Variants in TRDN observed in about 807,000 individuals in gnomAD.
The protein encoded by TRDN is triadin.
TRDN carries 161 observed loss-of-function variants against 149.7 expected under a neutral mutation model. The observed-to-expected ratio is 1.08, with a 90% CI of 0.95 to 1.23. The LOEUF is 1.23. Ranked by LOEUF, TRDN falls within the 50% of genes most tolerant of loss-of-function variation. The pLI is 0.00. For synonymous variants in TRDN, 294 were observed against 250.5 expected (o/e 1.17, Z -1.64); for missense variants, 896 against 823.5 (o/e 1.09, Z -1.08).
At chr6:123,294,285 C>A (rs914819853) in intron 24 of TRDN, among the ~76,000 whole-genome samples, 3 of 152,160 alleles carry the variant, frequency 2.0e-5, no homozygotes, top group Non-Finnish European at 1.5e-5. Flanking sequence ...GGCCAACTAT[C>A]AAAAGTGCCT....
chr6:123,571,187 A>C, intron 1 of TRDN, 55 bp from the exon 2 acceptor site: 1 of 1,573,304 alleles, frequency 6.4e-7, no homozygotes, highest in Non-Finnish European at 8.7e-7. Flanking sequence ...GTAAATATTG[A>C]TGATGAGAAA....
At chr6:123,274,144 C>T (rs1777295272) in intron 27 of TRDN, among the ~76,000 whole-genome samples, 1 of 152,078 alleles carries the variant, frequency 6.6e-6, no homozygotes, top group Admixed American at 6.6e-5. Context: ...AATGGCCATG[C>T]TGTCTGTTTC....
intron 4 of TRDN, among the ~76,000 whole-genome samples, chr6:123,541,835 T>A (rs955385050): frequency 6.6e-6 from 1 of 152,170 alleles, no homozygotes; most frequent in Non-Finnish European, 1.5e-5. Flanking sequence ...CAGCCTGGTG[T>A]AAACCACTGA....
rs1389363965 is a variant in TRDN, at chr6:123,499,728, A to ATATG, written c.794-2477_794-2476insCATA. 5.3e-5 allele frequency among the ~76,000 whole-genome samples: 6 copies of ATATG among 114,234 alleles called. 1 individual carries two copies. The East Asian group carries it at 1.6e-3, about 30-fold the overall frequency. The allele number at this position is 114,234 out of a possible 152,430, so 74.9% of individuals were successfully genotyped here. A position where few individuals can be genotyped will look rare whatever the true frequency, so the allele number is the denominator to read the frequency against. On this transcript the variant is annotated intron_variant, in intron 8 of 40. Transcript: ENST00000334268. Reference sequence around the variant, plus strand: ...CAAAAAAAAAAAAAAAAATATATATATATATATATATATATAGTTACAGCT... The same window carrying ATATG: ...CAAAAAAAAAAAAAAAAATATATATATATGTATATATATATATATAGTTACAGCT...
At chr6:123,219,833 G>C (rs1267751802) in intron 40 of TRDN, among the ~76,000 whole-genome samples, 1 of 151,778 alleles carries the variant, frequency 6.6e-6, no homozygotes, top group Non-Finnish European at 1.5e-5. Flanking sequence ...CAGGCTACAA[G>C]AGGGACAGTA....
rs145204370 is a variant in TRDN at position 123,360,906 on chromosome 6, GAGA to G, written c.1321+5226_1321+5228del. Among the ~76,000 whole-genome samples the G allele has an allele frequency of 4.5e-3, 692 of 152,296 alleles. 7 individuals carry two copies. Among genetic ancestry groups the G allele is most frequent in the African/African-American group, 0.016 (649 of 41,580 alleles). ...AAAAACTGGAGAAACTGGTCCTGAA[GAGA>G]AGGAGAAACACTACCTCTGAGATTA... On this transcript the variant is annotated intron_variant, in intron 20 of 40. Coordinates refer to ENST00000334268, the MANE Select transcript of TRDN (RefSeq NM_006073.4).
chr6:123,352,426 A>G, intron 21 of TRDN, 113 bp downstream of exon 21: 1 of 1,466,438 alleles, frequency 6.8e-7, no homozygotes, highest in South Asian at 1.5e-5. Context: ...ACAGTGATAA[A>G]GAGTAATAGA....
intron 2 of TRDN, among the ~76,000 whole-genome samples, chr6:123,569,537 T>A (rs954736621): frequency 1.3e-5 from 2 of 152,296 alleles, no homozygotes; most frequent in African/African-American, 4.8e-5. Context: ...AAGAAATACT[T>A]AAGACTGGGT....
At chr6:123,636,405 A>T (rs747502113) in intron 1 of TRDN, among the ~76,000 whole-genome samples, 2 of 152,006 alleles carry the variant, frequency 1.3e-5, no homozygotes, top group African/African-American at 4.8e-5. Context: ...CATGGTCTCC[A>T]TCCTTGAAAA....
chr6:123,220,046 A>G (rs1433635163), intron 40 of TRDN, among the ~76,000 whole-genome samples: 1 of 151,944 alleles, frequency 6.6e-6, no homozygotes, highest in African/African-American at 2.4e-5. Context: ...CATGAATATC[A>G]GGCTATAGAA....
rs563055800 is a variant in TRDN at position 123,433,304 on chromosome 6, C to T, written c.1051+4759G>A. 4.0e-5 allele frequency among the ~76,000 whole-genome samples: 6 copies of T among 151,550 alleles called. No homozygotes were observed. In the East Asian group the frequency reaches 1.2e-3, roughly 30 times the overall value. Reference sequence around the variant, plus strand: ...CTTATCTATTTAAATAACTTCCCACCCCAACGCATTATATTCTATCATTGC... The same window carrying T: ...CTTATCTATTTAAATAACTTCCCACTCCAACGCATTATATTCTATCATTGC... On this transcript the variant is annotated intron_variant, in intron 12 of 40. Transcript: ENST00000334268.
At chr6:123,591,521 T>C (rs1030333778) in intron 1 of TRDN, among the ~76,000 whole-genome samples, 7 of 152,178 alleles carry the variant, frequency 4.6e-5, no homozygotes, top group African/African-American at 1.7e-4. Flanking sequence ...GCTGGGATTA[T>C]AGGCATGAGC....
chr6:123,497,264 G>A lies in TRDN; in HGVS notation c.794-12C>T. On this transcript the variant is annotated splice_polypyrimidine_tract_variant and intron_variant, in intron 8 of 40. Coordinates refer to ENST00000334268, the MANE Select transcript of TRDN (RefSeq NM_006073.4). ...GAATGCATACTGATCTGACAGAGTA[G>A]AAAGAAAAAGAGCAATGAAAAAATG... The A allele has an allele frequency of 2.7e-6, 4 of 1,496,658 alleles. No homozygotes were observed. The highest frequency in any genetic ancestry group is 1.8e-6 in the Non-Finnish European group (2 of 1,125,896). The allele number at this position is 1,496,658 out of a possible 1,614,324, so 92.7% of individuals were successfully genotyped here.
At chr6:123,616,003 C>T (rs1269219616) in intron 1 of TRDN, among the ~76,000 whole-genome samples, 1 of 152,072 alleles carries the variant, frequency 6.6e-6, no homozygotes, top group Non-Finnish European at 1.5e-5. Flanking sequence ...GGAAATATCA[C>T]ATGTAACTCA....
Position 123,483,066 on chromosome 6 carries a change from T to TTTATTATTA in TRDN, c.853+14118_853+14126dup, listed in dbSNP as rs71021451. On this transcript the variant is annotated intron_variant, in intron 9 of 40. Transcript: ENST00000334268. ...GTTTTTACCCTGGATTGATTTCTCA[T>TTTATTATTA]TTATTATTATTATTATTATTATTAT... Among the ~76,000 whole-genome samples the TTTATTATTA allele has an allele frequency of 6.2e-3, 832 of 133,356 alleles. 9 individuals carry two copies. The highest frequency in any genetic ancestry group is 9.9e-3 in the South Asian group (38 of 3,848). 87.5% of individuals were successfully genotyped at this position (133,356 alleles called of 152,430 possible).
intron 9 of TRDN, among the ~76,000 whole-genome samples, chr6:123,493,499 G>A (rs1583140303): frequency 6.6e-6 from 1 of 152,170 alleles, no homozygotes; most frequent in African/African-American, 2.4e-5. Flanking sequence ...TTATGTCATA[G>A]TGTCAGCACA....
chr6:123,607,177 A>G (rs952997369), intron 1 of TRDN, among the ~76,000 whole-genome samples: 5 of 152,360 alleles, frequency 3.3e-5, no homozygotes, highest in African/African-American at 4.8e-5. Flanking sequence ...TCATTTTCAT[A>G]AATTATTTCT....
chr6:123,480,670 C>A (rs371827818), intron 9 of TRDN, among the ~76,000 whole-genome samples: 4 of 151,944 alleles, frequency 2.6e-5, no homozygotes, highest in East Asian at 3.9e-4. Context: ...GAGGGGCAAC[C>A]AGAAAGGAGA....
chr6:123,273,463 C>G, intron 27 of TRDN, 100 bp from the exon 28 acceptor site: 1 of 596,540 alleles, frequency 1.7e-6, no homozygotes. Context: ...CTAGGCATAA[C>G]TAGCTTTAAA....
Sources: allele counts gnomAD v4.1 joint callset (sites outside exome capture counted in the v4.1 genomes callset), GRCh38; gene constraint gnomAD v4.1.1; transcripts MANE v1.5; gene names NCBI Gene and HGNC (gene_info 2026-07-23, HGNC 2026-07-21).